Variants in RAB40C observed in about 807,000 individuals in gnomAD.
RAB40C encodes the protein RAB40C, member RAS oncogene family.
Under a neutral mutation model 28.1 loss-of-function variants are expected in RAB40C, and 8 were observed. That is an observed-to-expected ratio of 0.28 (90% confidence interval 0.17 to 0.51). The LOEUF (loss-of-function observed/expected upper bound fraction) is 0.51, where lower values mean the gene tolerates loss of function less well. RAB40C is among the 20% of genes least tolerant of loss of function. The pLI is 0.97. For missense variants in RAB40C, 288 were observed against 405.9 expected (o/e 0.71, Z 2.50); for synonymous variants, 201 against 171.7 (o/e 1.17, Z -1.34).
chr16:590,557 G>C (rs1030635068), intron 1 of RAB40C, 124 bp downstream of exon 1: 60 of 1,257,330 alleles, frequency 4.8e-5, no homozygotes, highest in Non-Finnish European at 6.0e-5. Context: ...GCCTTTGCCT[G>C]GCTTCCAGAC....
chr16:628,583 C>T lies in RAB40C; in HGVS notation c.*961C>T, dbSNP rs1166557954. 1 of 152,362 alleles carries T rather than the reference C, an allele frequency of 6.6e-6. No individual in the cohort carries two copies. The highest frequency in any genetic ancestry group is 2.4e-5 in the African/African-American group (1 of 41,464). 9.4% of individuals were successfully genotyped at this position (152,362 alleles called of 1,614,324 possible). On this transcript the variant is annotated 3_prime_UTR_variant, in exon 6 of 6. Transcript: ENST00000248139. ...GGGACGTGCCTGGAACCACCTCGTC[C>T]ACGTCCACGTCCACCTGGGGGCCTC...
chr16:618,333 T>A, intron 3 of RAB40C, 73 bp downstream of exon 3: 1 of 1,431,490 alleles, frequency 7.0e-7, no homozygotes, highest in Non-Finnish European at 9.6e-7. Context: ...TGTGAGTTGT[T>A]GTCCTGTCAA....
chr16:613,847 C>T (rs1055140998), intron 1 of RAB40C, among the ~76,000 whole-genome samples: 1 of 152,090 alleles, frequency 6.6e-6, no homozygotes, highest in East Asian at 1.9e-4. Flanking sequence ...CAGGTCTAGA[C>T]TTGGGTGACG....
chr16:620,957 A>G (rs1464674731), intron 3 of RAB40C, among the ~76,000 whole-genome samples: 1 of 152,208 alleles, frequency 6.6e-6, no homozygotes, highest in East Asian at 1.9e-4. Context: ...AGCAGTTCAT[A>G]AGCTCTGCAT....
intron 3 of RAB40C, chr16:625,216 C>T: frequency 7.0e-7 from 1 of 1,430,242 alleles, no homozygotes; most frequent in Non-Finnish European, 9.2e-7. Flanking sequence ...ATGGAAGGCG[C>T]CCACCCCCCT....
chr16:625,363 G>C (rs2036806561), intron 3 of RAB40C, 69 bp from the exon 4 acceptor site: 1 of 1,574,480 alleles, frequency 6.4e-7, no homozygotes, highest in Non-Finnish European at 8.7e-7. Flanking sequence ...CCCTGCACCT[G>C]AGCGTCCCTG....
At chr16:594,166 G>A (rs1425893696) in intron 1 of RAB40C, among the ~76,000 whole-genome samples, 1 of 152,220 alleles carries the variant, frequency 6.6e-6, no homozygotes, top group Admixed American at 6.5e-5. Flanking sequence ...CTTCCTGGGA[G>A]CAAGTTTTCC....
chr16:597,019 T>C (rs1170140941), intron 1 of RAB40C, among the ~76,000 whole-genome samples: 1 of 151,968 alleles, frequency 6.6e-6, no homozygotes, highest in East Asian at 1.9e-4. Flanking sequence ...ATTGGCGCTG[T>C]GGAGAGGTAG....
chr16:619,842 C>T (rs1457618552), intron 3 of RAB40C, among the ~76,000 whole-genome samples: 3 of 152,252 alleles, frequency 2.0e-5, no homozygotes, highest in Non-Finnish European at 4.4e-5. Flanking sequence ...TCCATTTCTA[C>T]ACTGAAGTGT....
At chr16:607,446 T>C (rs796918106) in intron 1 of RAB40C, among the ~76,000 whole-genome samples, 53 of 142,536 alleles carry the variant, frequency 3.7e-4, no homozygotes, top group African/African-American at 1.4e-3. Flanking sequence ...GAGGTTGCAG[T>C]GAGCTGATAT....
In RAB40C at chr16:627,712, A is replaced by G. The variant is rs2036871372; in HGVS notation, c.*90A>G. ...CGCCAGGCCAGTGCCGCCTACGTGG[A>G]GACTGTCCACACAGCTGCCTCAGAA... On this transcript the variant is annotated 3_prime_UTR_variant, in exon 6 of 6. Coordinates refer to ENST00000248139, the MANE Select transcript of RAB40C (RefSeq NM_021168.5). The G allele has an allele frequency of 2.8e-5, 40 of 1,418,024 alleles. No homozygotes were observed. In the South Asian group the frequency reaches 5.5e-4, roughly 20 times the overall value. 87.8% of individuals were successfully genotyped at this position (1,418,024 alleles called of 1,614,324 possible).
At chr16:623,118 G>C (rs1046294755) in intron 3 of RAB40C, among the ~76,000 whole-genome samples, 22 of 152,216 alleles carry the variant, frequency 1.4e-4, no homozygotes, top group African/African-American at 5.1e-4. Context: ...CAGCAGCCGG[G>C]AGGTGTGGCC....
At chr16:613,093 T>C (rs1318224172) in intron 1 of RAB40C, among the ~76,000 whole-genome samples, 1 of 102,050 alleles carries the variant, frequency 9.8e-6, no homozygotes, top group Non-Finnish European at 2.0e-5. Context: ...CGCCCTGGCC[T>C]GTAGAATCAA....
At chr16:621,772 G>C (rs2036721170) in intron 3 of RAB40C, among the ~76,000 whole-genome samples, 1 of 152,182 alleles carries the variant, frequency 6.6e-6, no homozygotes, top group Non-Finnish European at 1.5e-5. Flanking sequence ...GAGAATTTGG[G>C]GTCAGCGGGC....
In RAB40C at chr16:590,296, G is replaced by T; in HGVS notation, c.5G>T (p.Gly2Val). The T allele has an allele frequency of 6.5e-7, 1 of 1,529,190 alleles. No homozygotes were observed. Among genetic ancestry groups the T allele is most frequent in the Non-Finnish European group, 8.8e-7 (1 of 1,136,160 alleles). The allele number at this position is 1,529,190 out of a possible 1,614,324, so 94.7% of individuals were successfully genotyped here. Reference protein sequence around the residue: MGSQGSPVKSYD... With the variant: MVSQGSPVKSYD... ...CGGGGCGCAGGCGGCGCGGCCATGG[G>T]CTCGCAGGGCAGTCCGGTGAAGAGC... Residue 2 changes from glycine (G) to valine (V), a missense_variant, in exon 1 of 6, where the codon GGC becomes GTC. By Grantham distance (109) the Gly-to-Val change is moderately radical. Around this residue, in one of 3 missense-constraint regions of RAB40C, gnomAD observed 78 missense variants for 88.2 expected, o/e 0.88. Transcript: ENST00000248139.
rs567362442 is a variant in RAB40C at position 625,179 on chromosome 16, G to A, written c.265-253G>A. The A allele has an allele frequency of 6.8e-5, 95 of 1,397,420 alleles. No individual in the cohort carries two copies. In the African/African-American group the frequency reaches 1.3e-3, roughly 19 times the overall value. 86.6% of individuals were successfully genotyped at this position (1,397,420 alleles called of 1,614,324 possible). A position where few individuals can be genotyped will look rare whatever the true frequency, so the allele number is the denominator to read the frequency against. ...TCCACAGGCTGATGGCTCCAGGGGA[G>A]GGAGGGGAAGCGGCATTTCTGACAC... On this transcript the variant is annotated intron_variant, in intron 3 of 5. Coordinates refer to ENST00000248139, the MANE Select transcript of RAB40C (RefSeq NM_021168.5).
chr16:615,225 A>G (rs1238175648), intron 1 of RAB40C, among the ~76,000 whole-genome samples: 1 of 152,170 alleles, frequency 6.6e-6, no homozygotes, highest in Non-Finnish European at 1.5e-5. Context: ...ATGCATGAGA[A>G]CAGCCTTTGA....
In RAB40C at chr16:607,087, C is replaced by T. The variant is rs115498939; in HGVS notation, c.143-10121C>T. ...GTGCTACGCAGGCTCAGCAGCCAGC[C>T]TCCCTCGGCTGCCTTACAGCAACTC... On this transcript the variant is annotated intron_variant, in intron 1 of 5. Coordinates refer to ENST00000248139, the MANE Select transcript of RAB40C (RefSeq NM_021168.5). 6.4e-3 allele frequency among the ~76,000 whole-genome samples: 977 copies of T among 152,348 alleles called. 9 individuals carry two copies. The highest frequency in any genetic ancestry group is 0.022 in the African/African-American group (926 of 41,582).
intron 2 of RAB40C, 47 bp from the exon 3 acceptor site, chr16:618,153 C>A: frequency 6.3e-7 from 1 of 1,586,932 alleles, no homozygotes. Flanking sequence ...AGGTGAGCCT[C>A]TCACAGGGAC....
Sources: allele counts gnomAD v4.1 joint callset (sites outside exome capture counted in the v4.1 genomes callset), GRCh38; gene constraint gnomAD v4.1.1; regional missense constraint gnomAD v4.1.1; transcripts MANE v1.5; gene names NCBI Gene and HGNC (gene_info 2026-07-23, HGNC 2026-07-21).